EML4: variants seen among roughly 807,000 people sequenced by gnomAD.
The protein encoded by EML4 is EMAP like 4.
In EML4, 72 loss-of-function variants were observed where a neutral mutation model predicts 129.0. The ratio of observed to expected loss-of-function variants is 0.56; its 90% CI spans 0.46 to 0.68. The LOEUF is 0.68. EML4 is among the 30% of genes least tolerant of loss of function. EML4 has a pLI of 0.00. For missense variants in EML4, 1,363 were observed against 1,190.6 expected, an observed-to-expected ratio of 1.14 and a Z score of -2.13; for synonymous variants, 532 against 405.0, an observed-to-expected ratio of 1.31 and a Z score of -3.77.
intron 1 of EML4, among the ~76,000 whole-genome samples, chr2:42,238,384 A>G (rs147444149): frequency 2.6e-5 from 4 of 152,300 alleles, no homozygotes; most frequent in East Asian, 1.9e-4. Context: ...GAGCATTGCT[A>G]TGGATAGGCA....
intron 1 of EML4, among the ~76,000 whole-genome samples, chr2:42,217,287 C>T (rs2104074710): frequency 6.6e-6 from 1 of 152,250 alleles, no homozygotes; most frequent in Non-Finnish European, 1.5e-5. Flanking sequence ...CTGTACTGAA[C>T]AGGATTATAC....
At chr2:42,206,538 TTA>T (rs2103994557) in intron 1 of EML4, among the ~76,000 whole-genome samples, 1 of 152,360 alleles carries the variant, frequency 6.6e-6, no homozygotes, top group South Asian at 2.1e-4. Context: ...ATGCCTAGTT[TTA>T]TGTCTAGTCG....
chr2:42,230,688 G>C (rs2104193173), intron 1 of EML4, among the ~76,000 whole-genome samples: 1 of 152,350 alleles, frequency 6.6e-6, no homozygotes, highest in East Asian at 1.9e-4. Context: ...TTACAGGCGT[G>C]AGCCACCGTG....
chr2:42,249,620 C>T (rs1054632388), intron 2 of EML4, among the ~76,000 whole-genome samples: 3 of 152,180 alleles, frequency 2.0e-5, no homozygotes, highest in Admixed American at 6.5e-5. Flanking sequence ...AATTCTGCTA[C>T]GTTGCTTCAT....
chr2:42,215,236 T>A (rs887123797), intron 1 of EML4, among the ~76,000 whole-genome samples: 10 of 152,102 alleles, frequency 6.6e-5, no homozygotes, highest in Non-Finnish European at 1.2e-4. Context: ...ACTTTTATAT[T>A]TTTTGTTGAG....
chr2:42,191,994 C>G lies in EML4; in HGVS notation c.25+22358C>G, dbSNP rs58924750. 5.4e-3 allele frequency among the ~76,000 whole-genome samples: 827 copies of G among 152,030 alleles called. 11 individuals are homozygous for G. The highest frequency in any genetic ancestry group is 0.019 in the African/African-American group (785 of 41,472). ...ATCCCTACTAAAAATACAAAATTAA[C>G]CAGGCATGGTGGCACATGCCTGTAA... is the stretch of plus-strand genomic sequence containing the variant. On this transcript the variant is annotated intron_variant, in intron 1 of 22. Coordinates refer to ENST00000318522, the MANE Select transcript of EML4 (RefSeq NM_019063.5).
chr2:42,244,106 T>TTG (rs1553374624), intron 1 of EML4, among the ~76,000 whole-genome samples: 15 of 44,476 alleles, frequency 3.4e-4, no homozygotes, highest in African/African-American at 8.1e-4. Flanking sequence ...TTTTTGTTTT[T>TTG]TTTTTTTTTT....
At chr2:42,280,665 T>A (rs541944475) in intron 6 of EML4, among the ~76,000 whole-genome samples, 185 bp from the exon 7 acceptor site, 2 of 152,334 alleles carry the variant, frequency 1.3e-5, no homozygotes. Context: ...CTGAGGAAGG[T>A]GTTCCTAAAA....
In EML4 at chr2:42,325,571, T is replaced by A. The variant is rs568625863; in HGVS notation, c.2242+17T>A. 116 of 488,376 alleles carry A rather than the reference T, an allele frequency of 2.4e-4. No homozygotes were observed. The highest frequency in any genetic ancestry group is 1.3e-3 in the Middle Eastern group (2 of 1,516). 30.3% of individuals were successfully genotyped at this position (488,376 alleles called of 1,614,324 possible). ...TATTGTACTGTAAGTATGAATGATT[T>A]TATATATATATATATATGCTATGAT... On this transcript the variant is annotated intron_variant, in intron 20 of 22. Transcript: ENST00000318522.
chr2:42,324,811 G>GT (rs922367130), intron 19 of EML4, among the ~76,000 whole-genome samples: 1 of 152,172 alleles, frequency 6.6e-6, no homozygotes, highest in Non-Finnish European at 1.5e-5. Context: ...GTGTTTCGTA[G>GT]TTTTTTTGTT....
intron 1 of EML4, among the ~76,000 whole-genome samples, chr2:42,220,204 T>C (rs893712854): frequency 6.6e-6 from 1 of 151,570 alleles, no homozygotes; most frequent in Non-Finnish European, 1.5e-5. Context: ...TGTTTTATTG[T>C]GCTTCATACT....
In EML4 at chr2:42,256,334, A is replaced by C. The variant is rs17029441; in HGVS notation, c.209-167A>C. ...CGATGGGATTAAGTCTTGAGACAGT[A>C]TCATGTGCTGCATACCATGGGGGCA... On this transcript the variant is annotated intron_variant, in intron 2 of 22. Transcript: ENST00000318522. 6.3e-3 allele frequency among the ~76,000 whole-genome samples: 967 copies of C among 152,322 alleles called. 12 individuals are homozygous for C. Among genetic ancestry groups the C allele is most frequent in the African/African-American group, 0.022 (918 of 41,572 alleles).
rs941434696 is a variant in EML4, at chr2:42,330,619, C to G, written c.*412C>G. The G allele has an allele frequency of 5.1e-6, 1 of 196,132 alleles. No individual in the cohort carries two copies. The highest frequency in any genetic ancestry group is 1.0e-5 in the Non-Finnish European group (1 of 96,414). 12.1% of individuals were successfully genotyped at this position (196,132 alleles called of 1,614,324 possible). On this transcript the variant is annotated 3_prime_UTR_variant, in exon 23 of 23. Coordinates refer to ENST00000318522, the MANE Select transcript of EML4 (RefSeq NM_019063.5). ...TCATCTACTGGCTCAGACTGTACTA[C>G]TTTTTTTTTTTTTTTTCCTGAAAAA...
At chr2:42,268,591 A>G (rs1439338451) in intron 6 of EML4, among the ~76,000 whole-genome samples, 1 of 152,008 alleles carries the variant, frequency 6.6e-6, no homozygotes, top group African/African-American at 2.4e-5. Context: ...CACATACCAC[A>G]ACACCCAGCT....
intron 1 of EML4, among the ~76,000 whole-genome samples, chr2:42,208,745 C>T (rs1006252040): frequency 2.0e-5 from 3 of 151,466 alleles, no homozygotes; most frequent in African/African-American, 7.3e-5. Context: ...GAAGCCTACT[C>T]CTTTTATTTA....
In EML4 at chr2:42,330,141, GA is replaced by G; in HGVS notation, c.2881del (p.Ile961Ter). 2 of 1,612,150 alleles carry G rather than the reference GA, an allele frequency of 1.2e-6. No homozygotes were observed. Among genetic ancestry groups the G allele is most frequent in the Non-Finnish European group, 1.7e-6 (2 of 1,179,708 alleles). On this transcript the variant is annotated frameshift_variant, in exon 23 of 23. Transcript: ENST00000318522. LOFTEE classifies it high-confidence loss of function. ...EPLYEEPCNE[I>X]SKEQAKATLL... Reference sequence around the variant, plus strand: ...CTCTTTATGAAGAGCCATGCAACGAGATAAGCAAGGAGCAGGCCAAAGCCAC... The same window carrying G: ...CTCTTTATGAAGAGCCATGCAACGAGTAAGCAAGGAGCAGGCCAAAGCCAC...
chr2:42,245,094 CTTTTTTT>C (rs56808218), intron 1 of EML4, among the ~76,000 whole-genome samples: 3 of 66,568 alleles, frequency 4.5e-5, no homozygotes, highest in African/African-American at 6.5e-5. Context: ...AATTTTCTTT[CTTTTTTT>C]TTTTTTTTTT....
At chr2:42,274,739 A>G (rs556360996) in intron 6 of EML4, among the ~76,000 whole-genome samples, 2 of 152,332 alleles carry the variant, frequency 1.3e-5, no homozygotes, top group African/African-American at 4.8e-5. Flanking sequence ...GGAATATGAT[A>G]ACCACTTTGC....
At chr2:42,250,414 C>G (rs1474608656) in intron 2 of EML4, among the ~76,000 whole-genome samples, 1 of 152,172 alleles carries the variant, frequency 6.6e-6, no homozygotes, top group Non-Finnish European at 1.5e-5. Context: ...TCGATAAGCA[C>G]ATTACCTCCA....
Sources: allele counts gnomAD v4.1 joint callset (sites outside exome capture counted in the v4.1 genomes callset), GRCh38; gene constraint gnomAD v4.1.1; transcripts MANE v1.5; gene names NCBI Gene and HGNC (gene_info 2026-07-23, HGNC 2026-07-21).